EVI5: variants seen among roughly 807,000 people sequenced by gnomAD.
The protein encoded by EVI5 is ecotropic viral integration site 5 protein homolog.
In EVI5, 73 loss-of-function variants were observed where a neutral mutation model predicts 112.0. The observed-to-expected ratio is 0.65, with a 90% CI of 0.54 to 0.79. EVI5 has a LOEUF of 0.79. Ranked by LOEUF, EVI5 falls within the 30% of genes least tolerant of loss-of-function variation. EVI5 has a pLI of 0.00. For missense variants in EVI5, 900 were observed against 968.8 expected, an observed-to-expected ratio of 0.93 and a Z score of 0.94; for synonymous variants, 305 against 319.9, an observed-to-expected ratio of 0.95 and a Z score of 0.50.
intron 14 of EVI5, among the ~76,000 whole-genome samples, chr1:92,633,299 TG>T (rs903127831): frequency 1.3e-5 from 2 of 152,218 alleles, no homozygotes; most frequent in African/African-American, 4.8e-5. Flanking sequence ...TATTATTGTG[TG>T]GGAGTCTAAG....
rs1659160500 is a variant in EVI5, at chr1:92,511,092, A to C, written c.*2564T>G. On this transcript the variant is annotated 3_prime_UTR_variant, in exon 20 of 20. Transcript: ENST00000684568. Reference sequence around the variant, plus strand: ...AGCTTGTAAGTGTTGATACTCATCTATCTATCTGTATATATATTCAGGAAA... The same window carrying C: ...AGCTTGTAAGTGTTGATACTCATCTCTCTATCTGTATATATATTCAGGAAA... 6.6e-6 allele frequency: 1 copy of C among 152,150 alleles called. No individual in the cohort carries two copies. The highest frequency in any genetic ancestry group is 1.5e-5 in the Non-Finnish European group (1 of 68,016). 9.4% of individuals were successfully genotyped at this position (152,150 alleles called of 1,614,324 possible).
Position 92,668,968 on chromosome 1 carries a change from T to C in EVI5, c.1159-2976A>G, listed in dbSNP as rs190382906. Among the ~76,000 whole-genome samples the C allele has an allele frequency of 4.6e-3, 695 of 152,350 alleles. 5 individuals are homozygous for C. The highest frequency in any genetic ancestry group is 0.013 in the South Asian group (63 of 4,832). ...ACTAGGTTTTGAAGTTAGGCAGATT[T>C]AAGTTCAAATTCTCATTCTACAATT... On this transcript the variant is annotated intron_variant, in intron 10 of 19. Coordinates refer to ENST00000684568, the MANE Select transcript of EVI5 (RefSeq NM_001350197.2).
At chr1:92,572,041 G>T (rs759222580) in intron 18 of EVI5, among the ~76,000 whole-genome samples, 1 of 152,130 alleles carries the variant, frequency 6.6e-6, no homozygotes, top group Admixed American at 6.5e-5. Context: ...TGTAAAAGGT[G>T]TAAATGCATA....
intron 18 of EVI5, among the ~76,000 whole-genome samples, chr1:92,564,749 G>A (rs1669167012): frequency 1.3e-5 from 2 of 150,290 alleles, no homozygotes. Flanking sequence ...GCGCGATTTC[G>A]GCTCATTGCA....
intron 6 of EVI5, among the ~76,000 whole-genome samples, chr1:92,697,193 C>A (rs188407288): frequency 2.7e-3 from 405 of 152,140 alleles, no homozygotes; most frequent in Middle Eastern, 3.4e-3. Flanking sequence ...ATTCATTCAC[C>A]TATTTTCTTA....
At chr1:92,619,714 A>T (rs891992960) in intron 16 of EVI5, among the ~76,000 whole-genome samples, 4 of 151,708 alleles carry the variant, frequency 2.6e-5, no homozygotes, top group Non-Finnish European at 5.9e-5. Context: ...TGGGCTCAGG[A>T]GTTCGAGACC....
chr1:92,742,923 T>C (rs758625943), intron 1 of EVI5, among the ~76,000 whole-genome samples: 5 of 152,196 alleles, frequency 3.3e-5, no homozygotes, highest in Non-Finnish European at 5.9e-5. Context: ...AACAAGGACT[T>C]AGACATTTAT....
chr1:92,590,662 G>A (rs1032222022), intron 18 of EVI5, among the ~76,000 whole-genome samples: 1 of 152,184 alleles, frequency 6.6e-6, no homozygotes, highest in East Asian at 1.9e-4. Context: ...GTGACGGGGA[G>A]AATGGAACCA....
In EVI5 at chr1:92,607,576, T is replaced by A. The variant is rs201325258; in HGVS notation, c.1974+5A>T. The A allele has an allele frequency of 1.1e-4, 170 of 1,562,342 alleles. 3 individuals are homozygous for A. The highest frequency in any genetic ancestry group is 6.6e-4 in the Admixed American group (32 of 48,606). ...AAAACAAAATCAGTTAGTTGACATA[T>A]TTACCTTGCATTCAATCTCTGCTTG... On this transcript the variant is annotated splice_donor_5th_base_variant and intron_variant, in intron 17 of 19. Transcript: ENST00000684568.
chr1:92,591,617 C>T (rs1673918242), intron 18 of EVI5, among the ~76,000 whole-genome samples: 1 of 152,104 alleles, frequency 6.6e-6, no homozygotes. Flanking sequence ...TAAAGCAAGT[C>T]CTCAGAGATC....
rs1206980280 is a variant in EVI5, at chr1:92,529,151, T to C, written c.2167-15181A>G. ...ATTAGCCTAACACTTTCCTGTTTAGTACATTTTCTTATCCTCTTCATATAG... is the reference window on the plus strand; with the variant it reads ...ATTAGCCTAACACTTTCCTGTTTAGCACATTTTCTTATCCTCTTCATATAG... On this transcript the variant is annotated intron_variant, in intron 19 of 19. Transcript: ENST00000684568. Among the ~76,000 whole-genome samples the C allele has an allele frequency of 3.3e-5, 5 of 152,334 alleles. No individual in the cohort carries two copies. In the South Asian group the frequency reaches 8.3e-4, roughly 25 times the overall value.
At chr1:92,761,034 G>C (rs1019108106) in intron 1 of EVI5, among the ~76,000 whole-genome samples, 9 of 140,386 alleles carry the variant, frequency 6.4e-5, no homozygotes, top group African/African-American at 2.5e-4. Context: ...CTCCAGCCCG[G>C]GCAACACAGC....
intron 18 of EVI5, among the ~76,000 whole-genome samples, chr1:92,583,443 G>A (rs565446941): frequency 3.3e-5 from 5 of 150,326 alleles, no homozygotes; most frequent in Admixed American, 1.3e-4. Flanking sequence ...CCTGGGAGGC[G>A]GAGGTTGCGG....
intron 1 of EVI5, among the ~76,000 whole-genome samples, chr1:92,765,484 A>G (rs1682483500): frequency 6.6e-6 from 1 of 150,684 alleles, no homozygotes; most frequent in Admixed American, 6.6e-5. Flanking sequence ...ACTCCTCATG[A>G]CCAACTTTAC....
intron 9 of EVI5, among the ~76,000 whole-genome samples, chr1:92,690,348 T>C (rs1486185825): frequency 1.3e-5 from 1 of 74,562 alleles, no homozygotes; most frequent in Non-Finnish European, 2.7e-5. Context: ...TCCCCAATGA[T>C]ACTTTTTTTT....
chr1:92,704,390 C>G (rs534654937), intron 3 of EVI5, among the ~76,000 whole-genome samples, 165 bp downstream of exon 3: 2 of 152,204 alleles, frequency 1.3e-5, no homozygotes, highest in East Asian at 3.9e-4. Context: ...CTGATGTCTA[C>G]AAATTAAAAC....
chr1:92,621,041 G>A (rs993004646), intron 16 of EVI5, among the ~76,000 whole-genome samples: 6 of 151,746 alleles, frequency 4.0e-5, no homozygotes, highest in African/African-American at 7.3e-5. Context: ...TTATTTGAAG[G>A]TAAACTCTAT....
intron 18 of EVI5, among the ~76,000 whole-genome samples, chr1:92,591,364 C>T (rs868843288): frequency 7.2e-5 from 11 of 152,234 alleles, no homozygotes; most frequent in South Asian, 2.1e-4. Flanking sequence ...ATTCAGGAAA[C>T]CCACCTCAAG....
intron 18 of EVI5, among the ~76,000 whole-genome samples, chr1:92,590,483 G>C (rs908526358): frequency 6.6e-6 from 1 of 152,198 alleles, no homozygotes; most frequent in Non-Finnish European, 1.5e-5. Context: ...AGCCTCAGTA[G>C]CCGATTCGGT....
Sources: gnomAD v4.1 joint callset for allele counts (sites outside exome capture counted in the v4.1 genomes callset) on GRCh38, gnomAD v4.1.1 for gene constraint, MANE v1.5 for transcripts, NCBI Gene and HGNC (gene_info 2026-07-23, HGNC 2026-07-21) for gene names.